CFDP1: variants seen among roughly 807,000 people sequenced by gnomAD.
CFDP1 encodes heterochromatin-stabilizing protein CFDP1.
In CFDP1, 31 loss-of-function variants were observed where a neutral mutation model predicts 40.1. That is an observed-to-expected ratio of 0.77 (90% CI 0.58 to 1.04). CFDP1 has a LOEUF of 1.04. Among genes scored for constraint, CFDP1 ranks in the 50% least tolerant of loss-of-function variants. CFDP1 has a pLI of 0.00. For missense variants in CFDP1, 423 were observed against 343.4 expected (o/e 1.23, Z -1.83); for synonymous variants, 167 against 120.0 (o/e 1.39, Z -2.56).
chr16:75,323,705 G>T (rs1254500569), intron 5 of CFDP1, among the ~76,000 whole-genome samples: 2 of 151,892 alleles, frequency 1.3e-5, no homozygotes, highest in Non-Finnish European at 2.9e-5. Context: ...CTTGAATCCA[G>T]GAGGTAGAGG....
intron 5 of CFDP1, among the ~76,000 whole-genome samples, chr16:75,332,798 CTT>C (rs997878419): frequency 7.5e-6 from 1 of 134,136 alleles, no homozygotes; most frequent in Non-Finnish European, 1.6e-5. Context: ...TATTCATGTT[CTT>C]TTTTTTTTTT....
At chr16:75,401,345 G>A (rs1041952452) in intron 4 of CFDP1, among the ~76,000 whole-genome samples, 10 of 149,978 alleles carry the variant, frequency 6.7e-5, no homozygotes, top group Non-Finnish European at 8.9e-5. Flanking sequence ...GGAGAATGGC[G>A]TGAACCAGGG....
chr16:75,351,738 T>G (rs1302362796), intron 5 of CFDP1, among the ~76,000 whole-genome samples: 2 of 152,192 alleles, frequency 1.3e-5, no homozygotes, highest in Non-Finnish European at 2.9e-5. Context: ...CCAAGTGTGG[T>G]GGCTCACGCC....
chr16:75,370,633 A>G (rs1027280227), intron 5 of CFDP1, among the ~76,000 whole-genome samples: 3 of 152,026 alleles, frequency 2.0e-5, no homozygotes, highest in Admixed American at 6.6e-5. Context: ...GAGGCTGAGG[A>G]GGGCGGATCA....
chr16:75,383,856 G>T (rs2151551564), intron 5 of CFDP1, among the ~76,000 whole-genome samples: 1 of 149,134 alleles, frequency 6.7e-6, no homozygotes, highest in Middle Eastern at 3.5e-3. Context: ...CCCAAATTTG[G>T]CTCACAATTT....
At position 75,337,901 on chromosome 16, in the gene CFDP1, G is replaced by A. The variant is rs1017082062; in HGVS notation, c.651-32719C>T. Reference sequence around the variant, plus strand: ...TTCAGCACTTGGGAGGAGTTTGCTCGTTTTCCCTTTTCCTCTCTTTCAAGT... The same window carrying A: ...TTCAGCACTTGGGAGGAGTTTGCTCATTTTCCCTTTTCCTCTCTTTCAAGT... On this transcript the variant is annotated intron_variant, in intron 5 of 6. Coordinates refer to ENST00000283882, the MANE Select transcript of CFDP1 (RefSeq NM_006324.3). 4.6e-5 allele frequency among the ~76,000 whole-genome samples: 7 copies of A among 152,122 alleles called. No individual in the cohort carries two copies. In the East Asian group the frequency reaches 7.7e-4, roughly 17 times the overall value.
At chr16:75,334,457 T>C (rs1035942010) in intron 5 of CFDP1, among the ~76,000 whole-genome samples, 1 of 149,818 alleles carries the variant, frequency 6.7e-6, no homozygotes, top group Non-Finnish European at 1.5e-5. Context: ...AGAAATAGGC[T>C]ACTAGATGGC....
At position 75,297,146 on chromosome 16, in the gene CFDP1, T is replaced by TGTGTGTGTGTGTGTGTGTGTGTGTG. The variant is rs1491503380; in HGVS notation, c.810-3105_810-3104insCACACACACACACACACACACACAC. Among the ~76,000 whole-genome samples the TGTGTGTGTGTGTGTGTGTGTGTGTG allele has an allele frequency of 3.1e-4, 41 of 133,082 alleles. 6 individuals carry two copies. Among genetic ancestry groups the TGTGTGTGTGTGTGTGTGTGTGTGTG allele is most frequent in the East Asian group, 2.2e-3 (10 of 4,516 alleles). 87.3% of individuals were successfully genotyped at this position (133,082 alleles called of 152,430 possible). On this transcript the variant is annotated intron_variant, in intron 6 of 6. Transcript: ENST00000283882. ...GCTTGGGGTTCTTGCTTCCCATTTC[T>TGTGTGTGTGTGTGTGTGTGTGTGTG]TGTGTGTGTGTGTGTGTGTCTGTGT...
chr16:75,412,055 G>T, intron 3 of CFDP1, 103 bp from the exon 4 acceptor site: 1 of 1,228,934 alleles, frequency 8.1e-7, no homozygotes, highest in Non-Finnish European at 1.1e-6. Context: ...TCACTCTGTA[G>T]CCCAAGCTGG....
At chr16:75,356,911 CTTTTTT>C (rs576406459) in intron 5 of CFDP1, among the ~76,000 whole-genome samples, 2 of 80,662 alleles carry the variant, frequency 2.5e-5, no homozygotes, top group African/African-American at 3.9e-5. Flanking sequence ...TGCTTTCTTT[CTTTTTT>C]TTTTTTTTTT....
At chr16:75,430,903 C>G (rs1425802709) in intron 1 of CFDP1, among the ~76,000 whole-genome samples, 1 of 152,204 alleles carries the variant, frequency 6.6e-6, no homozygotes, top group Non-Finnish European at 1.5e-5. Flanking sequence ...TCAGCCCCCA[C>G]TTCCCATCAT....
chr16:75,392,187 C>A (rs2078957991), intron 5 of CFDP1, among the ~76,000 whole-genome samples: 1 of 151,918 alleles, frequency 6.6e-6, no homozygotes. Context: ...GGGTGGATCA[C>A]GAAGTCAGGA....
Position 75,358,066 on chromosome 16 carries a change from T to C in CFDP1, c.650+37024A>G, listed in dbSNP as rs143717175. Among the ~76,000 whole-genome samples the C allele has an allele frequency of 3.7e-3, 557 of 152,328 alleles. 2 individuals carry two copies. The highest frequency in any genetic ancestry group is 0.012 in the African/African-American group (517 of 41,564). On this transcript the variant is annotated intron_variant, in intron 5 of 6. Coordinates refer to ENST00000283882, the MANE Select transcript of CFDP1 (RefSeq NM_006324.3). The stretch of plus-strand genomic sequence containing the variant: ...TTTACCAAATAAGTTTGTTATCCTA[T>C]GTGGGTGTGGCTCATGGTGCTCCAA...
At chr16:75,402,643 T>A (rs1053406107) in intron 4 of CFDP1, among the ~76,000 whole-genome samples, 1 of 152,308 alleles carries the variant, frequency 6.6e-6, no homozygotes, top group South Asian at 2.1e-4. Flanking sequence ...CTTGAAGATG[T>A]AGTAATGCTC....
At chr16:75,425,582 G>A (rs184559474) in intron 1 of CFDP1, among the ~76,000 whole-genome samples, 6 of 148,540 alleles carry the variant, frequency 4.0e-5, no homozygotes, top group Admixed American at 1.3e-4. Flanking sequence ...TCACTTTACA[G>A]AAATACAAAG....
At chr16:75,297,166 CTGTG>C (rs71158597) in intron 6 of CFDP1, among the ~76,000 whole-genome samples, 2,076 of 143,414 alleles carry the variant, frequency 0.014, 53 homozygotes, top group African/African-American at 0.046. Flanking sequence ...GTGTGTGTGT[CTGTG>C]TGTGTGTGTG....
chr16:75,363,588 G>A lies in CFDP1; in HGVS notation c.650+31502C>T, dbSNP rs11866928. Among the ~76,000 whole-genome samples the A allele has an allele frequency of 4.1e-3, 621 of 151,976 alleles. 5 individuals carry two copies. The highest frequency in any genetic ancestry group is 0.013 in the African/African-American group (556 of 41,440). ...TTTTTGTATTTTTAGTAGAGTCAGG[G>A]TTTCACCATGTTGGTCAGGCTGATC... is the stretch of plus-strand genomic sequence containing the variant. On this transcript the variant is annotated intron_variant, in intron 5 of 6. Coordinates refer to ENST00000283882, the MANE Select transcript of CFDP1 (RefSeq NM_006324.3).
At chr16:75,378,440 T>C (rs2078821737) in intron 5 of CFDP1, among the ~76,000 whole-genome samples, 2 of 151,996 alleles carry the variant, frequency 1.3e-5, no homozygotes, top group African/African-American at 2.4e-5. Flanking sequence ...TGACAAAATA[T>C]GCAAAACTAA....
intron 1 of CFDP1, among the ~76,000 whole-genome samples, chr16:75,428,791 T>A (rs2079373085): frequency 6.6e-6 from 1 of 151,906 alleles, no homozygotes; most frequent in Non-Finnish European, 1.5e-5. Flanking sequence ...CTGAAAACAC[T>A]CATACCAAGA....
Sources: allele counts gnomAD v4.1 joint callset (sites outside exome capture counted in the v4.1 genomes callset), GRCh38; gene constraint gnomAD v4.1.1; transcripts MANE v1.5; gene names NCBI Gene and HGNC (gene_info 2026-07-23, HGNC 2026-07-21).